The following PTPRD variants were observed in gnomAD, a reference collection of about 807,000 sequenced individuals.
PTPRD encodes receptor-type tyrosine-protein phosphatase delta.
PTPRD carries 34 observed loss-of-function variants against 214.5 expected under a neutral mutation model. The observed-to-expected ratio is 0.16, with a 90% CI of 0.12 to 0.21. The LOEUF (loss-of-function observed/expected upper bound fraction) is 0.21, where lower values mean the gene tolerates loss of function less well. Ranked by LOEUF, PTPRD falls within the 10% of genes least tolerant of loss-of-function variation. The pLI is 1.00. For missense variants in PTPRD, 2,545 were observed against 2,398.7 expected (o/e 1.06, Z -1.27); for synonymous variants, 1,128 against 845.7 (o/e 1.33, Z -5.79).
chr9:9,032,328 T>G (rs1232751026), intron 10 of PTPRD, among the ~76,000 whole-genome samples: 2 of 152,094 alleles, frequency 1.3e-5, no homozygotes, highest in Non-Finnish European at 2.9e-5. Flanking sequence ...GCTGTCTTCA[T>G]GCTGACACAG....
intron 10 of PTPRD, among the ~76,000 whole-genome samples, chr9:9,121,070 G>A (rs998455571): frequency 6.6e-6 from 1 of 152,140 alleles, no homozygotes; most frequent in African/African-American, 2.4e-5. Context: ...AACACCTCCA[G>A]GAGTCCAATT....
At chr9:10,092,312 C>T (rs1321269785) in intron 3 of PTPRD, among the ~76,000 whole-genome samples, 2 of 151,340 alleles carry the variant, frequency 1.3e-5, no homozygotes, top group African/African-American at 2.4e-5. Flanking sequence ...AGGTATCATA[C>T]ATATAAGCAC....
At chr9:8,325,746 C>G (rs1338542432) in intron 44 of PTPRD, among the ~76,000 whole-genome samples, 3 of 152,156 alleles carry the variant, frequency 2.0e-5, no homozygotes, top group Non-Finnish European at 4.4e-5. Context: ...TGTGTCCTCT[C>G]TTGTTTCATT....
chr9:10,464,586 C>T (rs1035453818), intron 2 of PTPRD, among the ~76,000 whole-genome samples: 2 of 152,004 alleles, frequency 1.3e-5, no homozygotes, highest in Non-Finnish European at 2.9e-5. Context: ...GAATAAGGTA[C>T]ACCCCTATAT....
chr9:8,797,360 TC>T (rs2096460036), intron 11 of PTPRD, among the ~76,000 whole-genome samples: 1 of 152,208 alleles, frequency 6.6e-6, no homozygotes, highest in Non-Finnish European at 1.5e-5. Context: ...AATACCAAAC[TC>T]TTCCACCATC....
chr9:8,352,107 A>C (rs2075673864), intron 39 of PTPRD, among the ~76,000 whole-genome samples: 1 of 150,096 alleles, frequency 6.7e-6, no homozygotes, highest in Non-Finnish European at 1.5e-5. Context: ...AAATATGTAG[A>C]CTCAAACTAA....
chr9:9,928,288 G>A (rs904986887), intron 5 of PTPRD, among the ~76,000 whole-genome samples: 46 of 152,206 alleles, frequency 3.0e-4, no homozygotes, highest in African/African-American at 1.1e-3. Context: ...AATATTCTTT[G>A]CCTTTAAATT....
chr9:8,786,554 ACAGGCGCCCGC>A (rs2095982692), intron 11 of PTPRD, among the ~76,000 whole-genome samples: 1 of 151,820 alleles, frequency 6.6e-6, no homozygotes, highest in African/African-American at 2.4e-5. Context: ...AGCTGGGATT[ACAGGCGCCCGC>A]CACCACGCCC....
chr9:9,941,023 T>G (rs903611581), intron 4 of PTPRD, among the ~76,000 whole-genome samples: 4 of 152,134 alleles, frequency 2.6e-5, no homozygotes, highest in Non-Finnish European at 4.4e-5. Flanking sequence ...AAGAGTTGTC[T>G]TGGGCTACAC....
At chr9:10,271,499 G>T (rs181062961) in intron 3 of PTPRD, among the ~76,000 whole-genome samples, 12 of 149,566 alleles carry the variant, frequency 8.0e-5, no homozygotes, top group Admixed American at 6.7e-5. Flanking sequence ...AAATTAATAA[G>T]CATCACTAAC....
At chr9:9,559,142 T>C (rs764950587) in intron 8 of PTPRD, among the ~76,000 whole-genome samples, 1 of 152,194 alleles carries the variant, frequency 6.6e-6, no homozygotes, top group Non-Finnish European at 1.5e-5. Context: ...GGGCAGCATA[T>C]GCAGTTACTA....
chr9:9,670,225 T>C (rs112635289), intron 7 of PTPRD, among the ~76,000 whole-genome samples: 11 of 152,240 alleles, frequency 7.2e-5, no homozygotes, highest in African/African-American at 2.4e-4. Flanking sequence ...GGGAATGATA[T>C]GGTTTGGCTG....
intron 11 of PTPRD, among the ~76,000 whole-genome samples, chr9:8,867,402 T>C (rs992080109): frequency 3.3e-5 from 5 of 152,198 alleles, no homozygotes; most frequent in African/African-American, 1.2e-4. Flanking sequence ...CAGACTGTTC[T>C]GAAAAGAACA....
chr9:9,486,181 A>AAAAAAAAC (rs1311084260), intron 8 of PTPRD, among the ~76,000 whole-genome samples: 1 of 135,274 alleles, frequency 7.4e-6, no homozygotes, highest in Non-Finnish European at 1.6e-5. Flanking sequence ...AAAAAAAAAA[A>AAAAAAAAC]AAAAGCCTTC....
chr9:9,896,982 G>A lies in PTPRD; in HGVS notation c.-368+41525C>T, dbSNP rs143531306. On this transcript the variant is annotated intron_variant, in intron 5 of 45. Coordinates refer to ENST00000381196, the MANE Select transcript of PTPRD (RefSeq NM_002839.4). The stretch of plus-strand genomic sequence containing the variant: ...AGTTTCTCAAATAATCTCTGGACTT[G>A]CAGAGTTCCTCAATGGAGGCAATGA... Among the ~76,000 whole-genome samples the A allele has an allele frequency of 2.0e-5, 3 of 152,142 alleles. No homozygotes were observed. The East Asian group carries it at 5.8e-4, about 29-fold the overall frequency.
intron 2 of PTPRD, among the ~76,000 whole-genome samples, chr9:10,592,462 A>G (rs1421461031): frequency 6.6e-6 from 1 of 152,020 alleles, no homozygotes; most frequent in Non-Finnish European, 1.5e-5. Context: ...ACAGAACATT[A>G]CAGTATCTCA....
intron 14 of PTPRD, among the ~76,000 whole-genome samples, chr9:8,560,794 T>A (rs147581227): frequency 6.6e-6 from 1 of 152,278 alleles, no homozygotes; most frequent in Non-Finnish European, 1.5e-5. Flanking sequence ...GGTTATCCAG[T>A]GTTTAGAAGG....
At chr9:10,010,129 T>A (rs1042298526) in intron 4 of PTPRD, among the ~76,000 whole-genome samples, 1 of 151,900 alleles carries the variant, frequency 6.6e-6, no homozygotes, top group Admixed American at 6.6e-5. Flanking sequence ...TTATCTTCAT[T>A]TTAAGTTGAG....
At chr9:10,171,444 T>C (rs2099205169) in intron 3 of PTPRD, among the ~76,000 whole-genome samples, 1 of 152,184 alleles carries the variant, frequency 6.6e-6, no homozygotes, top group South Asian at 2.1e-4. Flanking sequence ...TCTGACATGA[T>C]TTGAGGCGTC....
Sources: gnomAD v4.1 joint callset for allele counts (sites outside exome capture counted in the v4.1 genomes callset) on GRCh38, gnomAD v4.1.1 for gene constraint, MANE v1.5 for transcripts, NCBI Gene and HGNC (gene_info 2026-07-23, HGNC 2026-07-21) for gene names.